Variants in PTPRG observed in about 807,000 individuals in gnomAD.
The protein encoded by PTPRG is protein tyrosine phosphatase receptor type G.
In PTPRG, 102 loss-of-function variants were observed where a neutral mutation model predicts 165.3. The observed-to-expected ratio is 0.62, with a 90% confidence interval of 0.53 to 0.73. The LOEUF (loss-of-function observed/expected upper bound fraction) is 0.73, where lower values mean the gene tolerates loss of function less well. Among genes scored for constraint, PTPRG ranks in the 30% least tolerant of loss-of-function variants. PTPRG has a pLI of 0.00. For missense variants in PTPRG, 1,866 were observed against 1,861.4 expected, an observed-to-expected ratio of 1.00 and a Z score of -0.05; for synonymous variants, 675 against 669.5, an observed-to-expected ratio of 1.01 and a Z score of -0.13.
chr3:61,944,248 T>C (rs1214051748), intron 2 of PTPRG, among the ~76,000 whole-genome samples: 1 of 152,196 alleles, frequency 6.6e-6, no homozygotes, highest in Admixed American at 6.5e-5. Flanking sequence ...TGTTCATTGG[T>C]GTGCAGAACC....
At position 61,800,910 on chromosome 3, in the gene PTPRG, G is replaced by T. The variant is rs144602496; in HGVS notation, c.190+51928G>T. Among the ~76,000 whole-genome samples the T allele has an allele frequency of 3.5e-3, 533 of 152,218 alleles. 5 individuals carry two copies. Among genetic ancestry groups the T allele is most frequent in the African/African-American group, 0.012 (503 of 41,536 alleles). ...CCACCCGCCGTCAGCCTCCCAAAGT[G>T]CTGGGATTACAGACGTGAGCCACCA... On this transcript the variant is annotated intron_variant, in intron 2 of 29. Coordinates refer to ENST00000474889, the MANE Select transcript of PTPRG (RefSeq NM_002841.4).
At chr3:62,045,175 C>A (rs9311834) in intron 4 of PTPRG, among the ~76,000 whole-genome samples, 124,544 of 152,134 alleles carry the variant, frequency 0.82, 51,783 homozygotes, top group Non-Finnish European at 0.89. Context: ...TGATGCAAAC[C>A]GTCTTAGGTT....
chr3:61,866,732 G>T (rs2107424884), intron 2 of PTPRG, among the ~76,000 whole-genome samples: 1 of 151,770 alleles, frequency 6.6e-6, no homozygotes, highest in East Asian at 1.9e-4. Context: ...TGGAGTAGCT[G>T]GGACTACAGG....
chr3:61,572,295 TA>T (rs995552029), intron 1 of PTPRG, among the ~76,000 whole-genome samples: 11 of 152,034 alleles, frequency 7.2e-5, no homozygotes, highest in South Asian at 2.1e-4. Flanking sequence ...GAGACCAAGT[TA>T]AAAAAAATAT....
chr3:62,143,824 G>A (rs1012734553), intron 6 of PTPRG, among the ~76,000 whole-genome samples: 7 of 152,164 alleles, frequency 4.6e-5, no homozygotes, highest in Non-Finnish European at 8.8e-5. Context: ...GGAGCTGTGT[G>A]ACCCCAGTAC....
chr3:62,263,510 A>G (rs1003435799), intron 17 of PTPRG: 1 of 152,520 alleles, frequency 6.6e-6, no homozygotes, highest in African/African-American at 2.4e-5. Context: ...TTTCACAGAC[A>G]TGTGGGGCTT....
At chr3:61,782,208 T>C (rs1019401520) in intron 2 of PTPRG, among the ~76,000 whole-genome samples, 28 of 152,334 alleles carry the variant, frequency 1.8e-4, no homozygotes, top group Non-Finnish European at 4.0e-4. Context: ...CAAGGTACTT[T>C]ATATTTCCAT....
chr3:61,946,987 A>T (rs559655338), intron 2 of PTPRG, among the ~76,000 whole-genome samples: 1 of 152,016 alleles, frequency 6.6e-6, no homozygotes, highest in Non-Finnish European at 1.5e-5. Flanking sequence ...TTCTTGGGGG[A>T]TGTATGTTTG....
rs112207264 is a variant in PTPRG, at chr3:61,651,195, T to A, written c.85+88823T>A. Among the ~76,000 whole-genome samples, 629 of 152,124 alleles carry A rather than the reference T, an allele frequency of 4.1e-3. 2 individuals carry two copies. The highest frequency in any genetic ancestry group is 0.01 in the Middle Eastern group (3 of 294). On this transcript the variant is annotated intron_variant, in intron 1 of 29. Coordinates refer to ENST00000474889, the MANE Select transcript of PTPRG (RefSeq NM_002841.4). ...TATACTACCAGATGGGTGTGTTGGC[T>A]GTAAGATAAAAATCCCAAAATACTT...
chr3:62,205,175 T>C (rs1248804423), intron 12 of PTPRG, among the ~76,000 whole-genome samples: 1 of 152,292 alleles, frequency 6.6e-6, no homozygotes, highest in East Asian at 1.9e-4. Flanking sequence ...AGTGGGGGTC[T>C]CCTGTGGGTA....
intron 13 of PTPRG, among the ~76,000 whole-genome samples, chr3:62,225,942 C>A (rs1162086564): frequency 1.3e-5 from 2 of 152,174 alleles, no homozygotes; most frequent in South Asian, 2.1e-4. Context: ...GTGTCAGCCA[C>A]CACGCCTGGC....
chr3:62,025,806 A>T (rs1440267343), intron 4 of PTPRG, among the ~76,000 whole-genome samples: 1 of 152,220 alleles, frequency 6.6e-6, no homozygotes, highest in African/African-American at 2.4e-5. Context: ...TGATGACCTA[A>T]CTAATTTTTA....
chr3:61,935,135 A>C lies in PTPRG; in HGVS notation c.191-54490A>C, dbSNP rs988352379. Among the ~76,000 whole-genome samples the C allele has an allele frequency of 2.6e-5, 4 of 151,900 alleles. No homozygotes were observed. The South Asian group carries it at 6.2e-4, about 24-fold the overall frequency. The stretch of plus-strand genomic sequence containing the variant: ...GCAGCCCCCATCTCCGCCTCTCCCT[A>C]CACCAGGCCCAGCACCCACATTCCC... On this transcript the variant is annotated intron_variant, in intron 2 of 29. Coordinates refer to ENST00000474889, the MANE Select transcript of PTPRG (RefSeq NM_002841.4).
At chr3:61,877,872 TG>T (rs991746140) in intron 2 of PTPRG, among the ~76,000 whole-genome samples, 5 of 152,218 alleles carry the variant, frequency 3.3e-5, no homozygotes, top group Non-Finnish European at 7.3e-5. Context: ...GTTGTATTTT[TG>T]AATATAGAAG....
chr3:61,637,646 CTGTAGACT>C (rs1460957860), intron 1 of PTPRG, among the ~76,000 whole-genome samples: 1 of 152,200 alleles, frequency 6.6e-6, no homozygotes, highest in Non-Finnish European at 1.5e-5. Flanking sequence ...CCTGCGGGAA[CTGTAGACT>C]TCTTAGGAGT....
chr3:61,846,477 T>C (rs669005), intron 2 of PTPRG, among the ~76,000 whole-genome samples: 24,035 of 152,146 alleles, frequency 0.16, 1,912 homozygotes, highest in Middle Eastern at 0.19. Flanking sequence ...CTGAGGCTCA[T>C]TGACCTTGAA....
At chr3:61,748,782 G>C (rs768036444) in intron 1 of PTPRG, 96 bp from the exon 2 acceptor site, 2 of 901,172 alleles carry the variant, frequency 2.2e-6, no homozygotes, top group South Asian at 1.5e-5. Flanking sequence ...CAAGGACTAT[G>C]ATTCTACGAA....
At chr3:62,012,022 A>G (rs904862531) in intron 4 of PTPRG, among the ~76,000 whole-genome samples, 1 of 152,226 alleles carries the variant, frequency 6.6e-6, no homozygotes, top group African/African-American at 2.4e-5. Context: ...TGGCCCTCAC[A>G]ACCATATAGA....
intron 2 of PTPRG, among the ~76,000 whole-genome samples, chr3:61,886,610 A>G (rs2038045057): frequency 6.6e-6 from 1 of 152,148 alleles, no homozygotes; most frequent in African/African-American, 2.4e-5. Flanking sequence ...AAAGGTGGAA[A>G]GACAGAAAGC....
Sources: gnomAD v4.1 joint callset for allele counts (sites outside exome capture counted in the v4.1 genomes callset) on GRCh38, gnomAD v4.1.1 for gene constraint, MANE v1.5 for transcripts, NCBI Gene and HGNC (gene_info 2026-07-23, HGNC 2026-07-21) for gene names.